The following FILIP1 variants were observed in gnomAD, a reference collection of about 807,000 sequenced individuals.
FILIP1 encodes the protein filamin-A-interacting protein 1.
FILIP1 carries 61 observed loss-of-function variants against 102.1 expected under a neutral mutation model. That is an observed-to-expected ratio of 0.60 (90% CI 0.49 to 0.74). The LOEUF (loss-of-function observed/expected upper bound fraction) is 0.74. FILIP1 is among the 30% of genes least tolerant of loss of function. The probability of loss-of-function intolerance (pLI) is 0.00; values close to 1 mark genes in which losing one functional copy is unlikely to be tolerated. For missense variants in FILIP1, 1,314 were observed against 1,441.2 expected, an observed-to-expected ratio of 0.91 and a Z score of 1.43; for synonymous variants, 491 against 526.9, an observed-to-expected ratio of 0.93 and a Z score of 0.93.
At chr6:75,454,639 G>C (rs1213324373) in intron 1 of FILIP1, among the ~76,000 whole-genome samples, 1 of 152,170 alleles carries the variant, frequency 6.6e-6, no homozygotes, top group Non-Finnish European at 1.5e-5. Flanking sequence ...AATTTAATTA[G>C]AGTCCGTGAA....
At position 75,387,158 on chromosome 6, in the gene FILIP1, A is replaced by G. The variant is rs144925789; in HGVS notation, c.277-24241T>C. ...CCTGTGTTAGTTTGCTGAGAATGAT[A>G]GTTTCCAGCTGCAACCATGTCCCTG... On this transcript the variant is annotated intron_variant, in intron 2 of 5. Transcript: ENST00000237172. Among the ~76,000 whole-genome samples the G allele has an allele frequency of 5.2e-3, 797 of 152,170 alleles. 7 individuals carry two copies. Among genetic ancestry groups the G allele is most frequent in the African/African-American group, 0.018 (759 of 41,520 alleles).
At chr6:75,293,067 T>C (rs180747927) in exon 7 of FILIP1, 1 of 152,298 alleles carries the variant, frequency 6.6e-6, no homozygotes, top group East Asian at 1.9e-4. Context: ...CTCGAATATT[T>C]TATAAAATAC....
chr6:75,315,059 A>G lies in FILIP1; in HGVS notation c.773T>C (p.Ile258Thr), dbSNP rs756911751. 3 of 1,614,106 alleles carry G rather than the reference A, an allele frequency of 1.9e-6. No individual in the cohort carries two copies. Among genetic ancestry groups the G allele is most frequent in the South Asian group, 1.1e-5 (1 of 91,074 alleles). The change falls in exon 5 of 6, where the codon ATT becomes ACT. Residue 258 changes from isoleucine (I) to threonine (T), a missense_variant. Ile to Thr is a moderately conservative substitution (Grantham distance 89). Coordinates refer to ENST00000237172, the MANE Select transcript of FILIP1 (RefSeq NM_015687.5). The part of the protein sequence containing the change: ...LMLVDERQMH[I>T]EQLGLQSQKV... ...CTGGCTTTGCAGGCCAAGTTGTTCA[A>G]TGTGCATTTGTCTTTCATCCACCAG... is the stretch of plus-strand genomic sequence containing the variant.
chr6:75,312,471 C>T lies in FILIP1; in HGVS notation c.3361G>A (p.Gly1121Ser). 2 of 1,614,152 alleles carry T rather than the reference C, an allele frequency of 1.2e-6. No homozygotes were observed. The highest frequency in any genetic ancestry group is 2.2e-5 in the East Asian group (1 of 44,886). Residue 1121 changes from glycine (G) to serine (S), a missense_variant, in exon 5 of 6, where the codon GGT (glycine) becomes AGT (serine). Coordinates refer to ENST00000237172, the MANE Select transcript of FILIP1 (RefSeq NM_015687.5). ...ATAGTGCTCGTCACTTTGCTTGCAC[C>T]AGGCCGTGAGGAGAGGTGATTCCTG... ...SPRNHLSSRP[G>S]ASKVTSTITI...
At chr6:75,369,899 C>T (rs780686859) in intron 2 of FILIP1, among the ~76,000 whole-genome samples, 2 of 152,190 alleles carry the variant, frequency 1.3e-5, no homozygotes, top group African/African-American at 2.4e-5. Context: ...GACCCCAGCA[C>T]GATGATCCAC....
At chr6:75,434,948 C>A (rs548384552) in intron 1 of FILIP1, among the ~76,000 whole-genome samples, 1 of 152,226 alleles carries the variant, frequency 6.6e-6, no homozygotes, top group South Asian at 2.1e-4. Context: ...GATAATCATG[C>A]GGGTTTTGTC....
chr6:75,313,018 A>T lies in FILIP1; in HGVS notation c.2814T>A (p.Ser938Arg). Residue 938 changes from serine to arginine, a missense_variant, in exon 5 of 6, where the codon AGT becomes AGA. By Grantham distance (110) the Ser-to-Arg change is moderately radical. This residue lies in a region of FILIP1 where 816 missense variants were observed against 913.1 expected (regional missense o/e 0.89). Transcript: ENST00000237172. The surrounding 1 kb of genome is among the most constrained non-coding windows in gnomAD (Gnocchi z 4.2). Reference sequence around the variant, plus strand: ...TCCCTAAGGTAGGAATGACAGTGGTACTAGAAAAAAATTCTTCAGATGTCG... The same window carrying T: ...TCCCTAAGGTAGGAATGACAGTGGTTCTAGAAAAAAATTCTTCAGATGTCG... ...TSPTSEEFFS[S>R]TTVIPTLGNQ... is the part of the protein sequence containing the mutation. The T allele has an allele frequency of 6.2e-7, 1 of 1,614,218 alleles. No homozygotes were observed. The highest frequency in any genetic ancestry group is 8.5e-7 in the Non-Finnish European group (1 of 1,180,046).
At chr6:75,416,892 G>T (rs1310924378) in intron 1 of FILIP1, among the ~76,000 whole-genome samples, 1 of 152,048 alleles carries the variant, frequency 6.6e-6, no homozygotes, top group Non-Finnish European at 1.5e-5. Flanking sequence ...ATTTAAATCT[G>T]ATTGTATTAT....
intron 1 of FILIP1, among the ~76,000 whole-genome samples, chr6:75,483,079 T>G (rs1389068763): frequency 6.6e-6 from 1 of 152,186 alleles, no homozygotes; most frequent in East Asian, 1.9e-4. Context: ...GATTTTCATC[T>G]TAGTAAGATT....
chr6:75,307,374 G>T (rs1773019347), downstream of FILIP1, among the ~76,000 whole-genome samples: 1 of 152,060 alleles, frequency 6.6e-6, no homozygotes, highest in African/African-American at 2.4e-5. Context: ...AAGAACAGGT[G>T]CTATCCATAT....
intron 1 of FILIP1, among the ~76,000 whole-genome samples, chr6:75,415,219 C>T (rs1419942142): frequency 6.6e-6 from 1 of 152,036 alleles, no homozygotes; most frequent in African/African-American, 2.4e-5. Context: ...AGTGCTAAGT[C>T]ATATTGCTGT....
chr6:75,350,516 T>C (rs759920234), intron 4 of FILIP1, among the ~76,000 whole-genome samples: 1 of 152,000 alleles, frequency 6.6e-6, no homozygotes, highest in Non-Finnish European at 1.5e-5. Flanking sequence ...GGGATTAAAA[T>C]TGTTAGTCTG....
At chr6:75,377,926 T>C (rs575719506) in intron 2 of FILIP1, among the ~76,000 whole-genome samples, 1 of 152,232 alleles carries the variant, frequency 6.6e-6, no homozygotes, top group Non-Finnish European at 1.5e-5. Flanking sequence ...GAAATAGAAG[T>C]GAACAACAGT....
intron 4 of FILIP1, among the ~76,000 whole-genome samples, chr6:75,339,222 A>G (rs1469384115): frequency 6.6e-6 from 1 of 152,198 alleles, no homozygotes; most frequent in Non-Finnish European, 1.5e-5. Flanking sequence ...GTCCCATTCT[A>G]ACTGGACTGT....
chr6:75,338,629 T>G (rs1421527965), intron 4 of FILIP1, among the ~76,000 whole-genome samples: 1 of 152,230 alleles, frequency 6.6e-6, no homozygotes, highest in Admixed American at 6.5e-5. Flanking sequence ...GCACTTTCCT[T>G]TCTTAGCTTT....
intron 3 of FILIP1, among the ~76,000 whole-genome samples, chr6:75,356,246 C>T (rs1437332499): frequency 1.3e-5 from 2 of 152,154 alleles, no homozygotes; most frequent in Non-Finnish European, 2.9e-5. Flanking sequence ...GAAGTTCTCT[C>T]TATAATTGCC....
intron 1 of FILIP1, chr6:75,455,019 G>T (rs1274687660): frequency 6.6e-6 from 1 of 151,862 alleles, no homozygotes; most frequent in African/African-American, 2.4e-5. Context: ...GGAGGTGGGA[G>T]CATTAGAAAG....
At chr6:75,375,532 G>A (rs1775724857) in intron 2 of FILIP1, among the ~76,000 whole-genome samples, 1 of 152,220 alleles carries the variant, frequency 6.6e-6, no homozygotes. Context: ...GTCTTCCAAG[G>A]CTTATGAGAT....
intron 1 of FILIP1, among the ~76,000 whole-genome samples, chr6:75,449,802 A>T (rs1240586416): frequency 2.0e-5 from 3 of 152,188 alleles, no homozygotes; most frequent in Non-Finnish European, 4.4e-5. Context: ...AGTGTTTATG[A>T]CTCATTGAAA....
Sources: allele counts gnomAD v4.1 joint callset (sites outside exome capture counted in the v4.1 genomes callset), GRCh38; gene constraint gnomAD v4.1.1; regional missense constraint gnomAD v4.1.1; non-coding constraint Gnocchi (gnomAD v3.1); transcripts MANE v1.5; gene names NCBI Gene and HGNC (gene_info 2026-07-23, HGNC 2026-07-21).